The following FAM13A variants were observed in gnomAD, a reference collection of about 807,000 sequenced individuals.
The protein encoded by FAM13A is protein FAM13A.
A neutral mutation model predicts 129.6 loss-of-function variants in FAM13A; 76 were observed. The ratio of observed to expected loss-of-function variants is 0.59; its 90% CI spans 0.49 to 0.71. FAM13A has a LOEUF of 0.71. Among genes scored for constraint, FAM13A ranks in the 30% least tolerant of loss-of-function variants. FAM13A has a pLI of 0.00. For synonymous variants in FAM13A, 443 were observed against 449.9 expected (o/e 0.98, Z 0.20); for missense variants, 1,108 against 1,249.3 (o/e 0.89, Z 1.70).
At position 88,887,530 on chromosome 4, in the gene FAM13A, C is replaced by CTTTT. The variant is rs33953927; in HGVS notation, c.843+18848_843+18849insAAAA. On this transcript the variant is annotated intron_variant, in intron 6 of 23. Transcript: ENST00000264344. ...TTGGTTCACATATGTACCTTTCTTT[C>CTTTT]TTTCTTTTTTTTTTTTTTGAGACAG... 1.2e-4 allele frequency among the ~76,000 whole-genome samples: 16 copies of CTTTT among 128,780 alleles called. 2 individuals are homozygous for CTTTT. The highest frequency in any genetic ancestry group is 4.9e-4 in the South Asian group (2 of 4,076). The allele number at this position is 128,780 out of a possible 152,430, so 84.5% of individuals were successfully genotyped here.
intron 4 of FAM13A, among the ~76,000 whole-genome samples, chr4:88,971,173 G>A (rs1333726501): frequency 9.9e-5 from 15 of 152,140 alleles, no homozygotes; most frequent in Admixed American, 8.5e-4. Flanking sequence ...AGCCGAGATC[G>A]CGCCACTGCA....
At chr4:88,975,235 C>T (rs1202794397) in intron 4 of FAM13A, among the ~76,000 whole-genome samples, 1 of 151,978 alleles carries the variant, frequency 6.6e-6, no homozygotes, top group Non-Finnish European at 1.5e-5. Flanking sequence ...ATCCTGTTTC[C>T]CCAAGATTGA....
chr4:88,854,120 A>G (rs1738087187), intron 6 of FAM13A, among the ~76,000 whole-genome samples: 1 of 151,894 alleles, frequency 6.6e-6, no homozygotes. Context: ...CTCCTAATAA[A>G]CTCCTCTTCA....
At chr4:89,034,211 T>C (rs888187139) in intron 1 of FAM13A, among the ~76,000 whole-genome samples, 2 of 152,084 alleles carry the variant, frequency 1.3e-5, no homozygotes, top group African/African-American at 4.8e-5. Flanking sequence ...CTAGAATCTA[T>C]AAGGAACTTA....
At chr4:88,927,774 AGTG>A (rs1235890262) in intron 5 of FAM13A, among the ~76,000 whole-genome samples, 14 of 151,826 alleles carry the variant, frequency 9.2e-5, no homozygotes, top group Non-Finnish European at 1.5e-4. Flanking sequence ...TAGTCTAGTG[AGTG>A]GTCTATCAAT....
intron 6 of FAM13A, among the ~76,000 whole-genome samples, chr4:88,890,829 A>G (rs1465708560): frequency 6.6e-6 from 1 of 152,184 alleles, no homozygotes; most frequent in Non-Finnish European, 1.5e-5. Context: ...TTGTAACTAC[A>G]GCTAGAATAT....
intron 6 of FAM13A, among the ~76,000 whole-genome samples, chr4:88,856,437 C>G (rs1162328830): frequency 6.6e-6 from 1 of 151,954 alleles, no homozygotes. Flanking sequence ...TGAGCTGTGA[C>G]CATGCCACTG....
At chr4:88,869,293 C>T (rs560774676) in intron 6 of FAM13A, among the ~76,000 whole-genome samples, 17 of 152,310 alleles carry the variant, frequency 1.1e-4, no homozygotes, top group African/African-American at 4.1e-4. Context: ...ACAGTTGTCC[C>T]TGTTTAAAAC....
intron 7 of FAM13A, among the ~76,000 whole-genome samples, chr4:88,815,020 T>A (rs1051397063): frequency 1.3e-5 from 2 of 151,950 alleles, no homozygotes; most frequent in African/African-American, 2.4e-5. Context: ...TTAAAAAAAA[T>A]TTTGTAGAGA....
intron 6 of FAM13A, among the ~76,000 whole-genome samples, chr4:88,864,151 T>C (rs866256595): frequency 1.3e-5 from 2 of 152,222 alleles, no homozygotes; most frequent in South Asian, 4.1e-4. Flanking sequence ...GAGTTTATAC[T>C]CTACTGAAAG....
intron 7 of FAM13A, among the ~76,000 whole-genome samples, chr4:88,847,070 A>G (rs1428091362): frequency 3.3e-5 from 5 of 152,278 alleles, no homozygotes; most frequent in Admixed American, 2.6e-4. Context: ...GAGGTAAATC[A>G]AATTAAAAAG....
chr4:88,921,046 C>G (rs1205677879), intron 5 of FAM13A, among the ~76,000 whole-genome samples: 6 of 152,060 alleles, frequency 3.9e-5, no homozygotes, highest in Non-Finnish European at 7.4e-5. Context: ...AAATATGGGA[C>G]TATGTGAAAA....
intron 4 of FAM13A, among the ~76,000 whole-genome samples, chr4:88,942,888 T>G (rs1296357490): frequency 6.6e-6 from 1 of 152,170 alleles, no homozygotes. Flanking sequence ...AGGTTTTCTT[T>G]AGTATTTATC....
chr4:88,965,415 G>A, intron 4 of FAM13A, among the ~76,000 whole-genome samples: 1 of 152,182 alleles, frequency 6.6e-6, no homozygotes, highest in East Asian at 1.9e-4. Context: ...CAGACATCGG[G>A]ACAGAATGGA....
chr4:88,953,081 A>G (rs970398366), intron 4 of FAM13A, among the ~76,000 whole-genome samples: 3 of 152,210 alleles, frequency 2.0e-5, no homozygotes, highest in Non-Finnish European at 4.4e-5. Flanking sequence ...TAGAGTGTAC[A>G]ATTCAATGCT....
intron 7 of FAM13A, among the ~76,000 whole-genome samples, chr4:88,834,512 A>G (rs1008002208): frequency 6.6e-6 from 1 of 152,216 alleles, no homozygotes; most frequent in African/African-American, 2.4e-5. Context: ...CATTGTACTA[A>G]GCATTTCACT....
At chr4:89,014,785 C>A (rs372168524) in intron 3 of FAM13A, among the ~76,000 whole-genome samples, 2 of 152,038 alleles carry the variant, frequency 1.3e-5, no homozygotes, top group South Asian at 4.2e-4. Context: ...CGCCTCAGGA[C>A]CCTGCGATGA....
At chr4:88,859,630 G>C (rs1200238339) in intron 6 of FAM13A, among the ~76,000 whole-genome samples, 3 of 152,214 alleles carry the variant, frequency 2.0e-5, no homozygotes, top group South Asian at 2.1e-4. Context: ...TGAAGGGCTT[G>C]AGGGGAAGGA....
intron 3 of FAM13A, among the ~76,000 whole-genome samples, chr4:89,007,230 G>A (rs1765160595): frequency 6.6e-6 from 1 of 152,170 alleles, no homozygotes; most frequent in African/African-American, 2.4e-5. Context: ...ATACAGACCA[G>A]ATTAATGACT....
Sources: gnomAD v4.1 joint callset for allele counts (sites outside exome capture counted in the v4.1 genomes callset) on GRCh38, gnomAD v4.1.1 for gene constraint, MANE v1.5 for transcripts, NCBI Gene and HGNC (gene_info 2026-07-23, HGNC 2026-07-21) for gene names.